FEZ2: variants seen among roughly 807,000 people sequenced by gnomAD.
FEZ2 encodes the protein fasciculation and elongation protein zeta-2.
In FEZ2, 51 loss-of-function variants were observed where a neutral mutation model predicts 40.4. The ratio of observed to expected loss-of-function variants is 1.26; its 90% confidence interval spans 1.01 to 1.59. The LOEUF (loss-of-function observed/expected upper bound fraction) is 1.59, where lower values mean the gene tolerates loss of function less well. FEZ2 is among the 40% of genes most tolerant of loss of function. FEZ2 has a pLI of 0.00. For synonymous variants in FEZ2, 242 were observed against 172.0 expected, an observed-to-expected ratio of 1.41 and a Z score of -3.18; for missense variants, 640 against 438.3, an observed-to-expected ratio of 1.46 and a Z score of -4.11.
At chr2:36,581,528 C>A in intron 3 of FEZ2, 97 bp from the exon 4 acceptor site, 1 of 1,045,018 alleles carries the variant, frequency 9.6e-7, no homozygotes, top group Non-Finnish European at 1.4e-6. Context: ...AGCAGAAATG[C>A]ACTGAATTCT....
chr2:36,553,810 A>C (rs1239944600), intron 7 of FEZ2, among the ~76,000 whole-genome samples: 1 of 152,262 alleles, frequency 6.6e-6, no homozygotes, highest in Middle Eastern at 3.4e-3. Flanking sequence ...AAACAACAAC[A>C]AACCACCCAA....
intron 5 of FEZ2, among the ~76,000 whole-genome samples, chr2:36,562,886 C>G (rs1668129175): frequency 6.6e-6 from 1 of 152,088 alleles, no homozygotes; most frequent in Admixed American, 6.5e-5. Flanking sequence ...AGTACTTAGT[C>G]TATATTACCT....
In FEZ2 at chr2:36,570,643, A is replaced by G. The variant is rs185149419; in HGVS notation, c.903+7954T>C. Among the ~76,000 whole-genome samples, 94 of 152,284 alleles carry G rather than the reference A, an allele frequency of 6.2e-4. 1 individual carries two copies. Among genetic ancestry groups the G allele is most frequent in the African/African-American group, 2.2e-3 (93 of 41,558 alleles). ...ACAGAGTGTACTTACACAAACCTAC[A>G]TAATTGTATAGTCTACTCCATACTT... On this transcript the variant is annotated intron_variant, in intron 5 of 7. Transcript: ENST00000405912.
At chr2:36,559,838 C>T (rs180712106) in intron 5 of FEZ2, among the ~76,000 whole-genome samples, 3 of 152,104 alleles carry the variant, frequency 2.0e-5, no homozygotes, top group Admixed American at 6.5e-5. Context: ...TGAGAGGCAA[C>T]GGAATGAAAA....
chr2:36,592,075 T>G (rs923664911), intron 1 of FEZ2, among the ~76,000 whole-genome samples: 1 of 152,196 alleles, frequency 6.6e-6, no homozygotes, highest in Non-Finnish European at 1.5e-5. Context: ...ACTTGAAATC[T>G]AATTGGGATA....
At chr2:36,559,058 C>T (rs1668027468) in intron 5 of FEZ2, 1 of 152,010 alleles carries the variant, frequency 6.6e-6, no homozygotes, top group Non-Finnish European at 1.5e-5. Flanking sequence ...ACACTTAAAT[C>T]GTTTTAGAAA....
At position 36,566,488 on chromosome 2, in the gene FEZ2, G is replaced by GA. The variant is rs965384204; in HGVS notation, c.904-7976dup. 3.1e-3 allele frequency among the ~76,000 whole-genome samples: 451 copies of GA among 146,976 alleles called. 8 individuals are homozygous for GA. Among genetic ancestry groups the GA allele is most frequent in the Admixed American group, 0.021 (319 of 14,850 alleles). ...CAAGTTCTCAAAATCCTTAAGGACA[G>GA]AAAAAAAAAAATGTCAGATACTTCT... On this transcript the variant is annotated intron_variant, in intron 5 of 7. Coordinates refer to ENST00000405912, the MANE Select transcript of FEZ2 (RefSeq NM_005102.3).
intron 1 of FEZ2, 100 bp from the exon 2 acceptor site, chr2:36,591,111 C>T (rs1669060070): frequency 9.7e-6 from 7 of 723,276 alleles, no homozygotes; most frequent in Admixed American, 4.9e-5. Context: ...TCAAAGGAAA[C>T]AGAGAAAAAC....
intron 5 of FEZ2, among the ~76,000 whole-genome samples, chr2:36,572,072 T>C (rs979609143): frequency 1.3e-5 from 2 of 151,850 alleles, no homozygotes; most frequent in Non-Finnish European, 2.9e-5. Context: ...CTCATGCCTT[T>C]TCCACTTCTC....
At chr2:36,583,720 A>G (rs956292000) in intron 2 of FEZ2, among the ~76,000 whole-genome samples, 3 of 152,240 alleles carry the variant, frequency 2.0e-5, no homozygotes, top group African/African-American at 7.2e-5. Context: ...ACAGATATGC[A>G]GAAAAAAATA....
Position 36,583,443 on chromosome 2 carries a change from T to A in FEZ2, c.402A>T (p.Thr134=). Residue 134 remains threonine (T), a synonymous_variant, in exon 3 of 8, where the codon ACA becomes ACT. Transcript: ENST00000405912. ...KGVSDSLLFD[T]SDDEELREQL... is the part of the protein sequence containing the mutation. ...GTTCTCTCAGCTCTTCATCATCTGATGTATCAAAGAGCAAACTGTCACTTA... is the reference window on the plus strand; with the variant it reads ...GTTCTCTCAGCTCTTCATCATCTGAAGTATCAAAGAGCAAACTGTCACTTA... The A allele has an allele frequency of 6.3e-7, 1 of 1,597,490 alleles. No individual in the cohort carries two copies. Among genetic ancestry groups the A allele is most frequent in the South Asian group, 1.1e-5 (1 of 90,786 alleles).
At chr2:36,592,156 A>T (rs1669090068) in intron 1 of FEZ2, among the ~76,000 whole-genome samples, 1 of 152,246 alleles carries the variant, frequency 6.6e-6, no homozygotes, top group African/African-American at 2.4e-5. Flanking sequence ...CATGTAGAAA[A>T]AAACACCCTA....
At position 36,575,537 on chromosome 2, in the gene FEZ2, G is replaced by A. The variant is rs1468173456; in HGVS notation, c.903+3060C>T. On this transcript the variant is annotated intron_variant, in intron 5 of 7. Coordinates refer to ENST00000405912, the MANE Select transcript of FEZ2 (RefSeq NM_005102.3). ...GGAAAGCACTCCACAAATCCTTGCT[G>A]AATGAATGAATATTGTTTCATCTTA... 6.6e-5 allele frequency among the ~76,000 whole-genome samples: 10 copies of A among 152,096 alleles called. No individual in the cohort carries two copies. The East Asian group carries it at 1.9e-3, about 29-fold the overall frequency.
At chr2:36,567,518 T>C (rs13398345) in intron 5 of FEZ2, among the ~76,000 whole-genome samples, 50,643 of 151,860 alleles carry the variant, frequency 0.33, 8,736 homozygotes, top group Middle Eastern at 0.52. Context: ...TCCCAGCACT[T>C]TGGGAGGCCG....
Position 36,581,373 on chromosome 2 carries a change from G to C in FEZ2, c.551C>G (p.Thr184Ser). The C allele has an allele frequency of 6.2e-7, 1 of 1,613,130 alleles. No homozygotes were observed. Among genetic ancestry groups the C allele is most frequent in the South Asian group, 1.1e-5 (1 of 91,050 alleles). Residue 184 changes from threonine to serine, a missense_variant, in exon 4 of 8, where the codon ACC (threonine) becomes AGC (serine). Thr to Ser is a moderately conservative substitution (Grantham distance 58). Transcript: ENST00000405912. Reference protein sequence around the residue: ...QESPDPEDDETPTQSDRLSML... With the variant: ...QESPDPEDDESPTQSDRLSML... ...TGAAAGCCGATCTGACTGTGTAGGG[G>C]TTTCATCATCTTCTGGGTCCGGTGA...
intron 2 of FEZ2, among the ~76,000 whole-genome samples, chr2:36,584,629 G>T (rs911184837): frequency 6.6e-6 from 1 of 152,156 alleles, no homozygotes; most frequent in African/African-American, 2.4e-5. Context: ...GGGCAACAAG[G>T]ATTACGTAAG....
intron 5 of FEZ2, chr2:36,560,812 G>A (rs746383880): frequency 1.4e-5 from 23 of 1,610,712 alleles, no homozygotes; most frequent in Non-Finnish European, 2.0e-5. Flanking sequence ...AATTTCCAAA[G>A]GTGTGGCGGA....
intron 2 of FEZ2, among the ~76,000 whole-genome samples, chr2:36,588,050 A>C (rs848612): frequency 0.42 from 63,295 of 151,374 alleles, 13,434 homozygotes; most frequent in Middle Eastern, 0.54. Context: ...ATTTTTTGAG[A>C]CAGAGTCTCG....
At position 36,595,451 on chromosome 2, in the gene FEZ2, C is replaced by T. The variant is rs182056046; in HGVS notation, c.266+2426G>A. 3.8e-3 allele frequency among the ~76,000 whole-genome samples: 580 copies of T among 152,222 alleles called. 6 individuals carry two copies. The highest frequency in any genetic ancestry group is 0.024 in the Middle Eastern group (7 of 292). On this transcript the variant is annotated intron_variant, in intron 1 of 7. Coordinates refer to ENST00000405912, the MANE Select transcript of FEZ2 (RefSeq NM_005102.3). Reference sequence around the variant, plus strand: ...GCAGTTCACAATAGGGTTCACGCTCCTATGAGAATCTAATGCCGTGGCTGA... The same window carrying T: ...GCAGTTCACAATAGGGTTCACGCTCTTATGAGAATCTAATGCCGTGGCTGA...
Sources: allele counts gnomAD v4.1 joint callset (sites outside exome capture counted in the v4.1 genomes callset), GRCh38; gene constraint gnomAD v4.1.1; transcripts MANE v1.5; gene names NCBI Gene and HGNC (gene_info 2026-07-23, HGNC 2026-07-21).